Variants in QTMAN observed in about 807,000 individuals in gnomAD.
QTMAN encodes the protein tRNA-queuosine alpha-mannosyltransferase.
At chr2:144,118,228 G>A in the QTMAN span, among the ~76,000 whole-genome samples, 1 of 152,072 alleles carries the variant, frequency 6.6e-6, no homozygotes, top group Non-Finnish European at 1.5e-5. Context: ...TTCAACATTT[G>A]TATCAGCAAG....
the QTMAN span, among the ~76,000 whole-genome samples, chr2:144,297,535 T>C: frequency 6.6e-6 from 1 of 151,594 alleles, no homozygotes; most frequent in African/African-American, 2.4e-5. Context: ...GGGCGTGGTG[T>C]CTCATGCCTG....
the QTMAN span, among the ~76,000 whole-genome samples, chr2:144,207,862 G>C: frequency 2.6e-5 from 4 of 151,516 alleles, no homozygotes; most frequent in Middle Eastern, 3.4e-3. Context: ...TATTATTATT[G>C]TTATTATTAT....
chr2:144,256,038 T>C, the QTMAN span, among the ~76,000 whole-genome samples: 3 of 152,212 alleles, frequency 2.0e-5, no homozygotes, highest in Non-Finnish European at 2.9e-5. Flanking sequence ...TAATTACATA[T>C]GATAAGTTAT....
chr2:144,331,396 A>G, the QTMAN span, among the ~76,000 whole-genome samples: 1 of 152,000 alleles, frequency 6.6e-6, no homozygotes, highest in East Asian at 1.9e-4. Context: ...AAGCTTTAAA[A>G]TCAACTTCAG....
chr2:144,185,800 G>C, the QTMAN span, among the ~76,000 whole-genome samples: 1 of 152,150 alleles, frequency 6.6e-6, no homozygotes, highest in Non-Finnish European at 1.5e-5. Flanking sequence ...GCTTGTAAAA[G>C]TCTGTAGGAG....
chr2:143,981,615 T>G, the QTMAN span, among the ~76,000 whole-genome samples: 4 of 152,202 alleles, frequency 2.6e-5, no homozygotes, highest in Non-Finnish European at 5.9e-5. Flanking sequence ...ATGCTGACAT[T>G]CTGTTTATGT....
At chr2:144,135,218 G>A in the QTMAN span, among the ~76,000 whole-genome samples, 1 of 152,132 alleles carries the variant, frequency 6.6e-6, no homozygotes, top group African/African-American at 2.4e-5. Flanking sequence ...GAAAATCATG[G>A]ATACTCCTTC....
chr2:144,266,157 C>A, the QTMAN span, among the ~76,000 whole-genome samples: 1 of 152,114 alleles, frequency 6.6e-6, no homozygotes, highest in Non-Finnish European at 1.5e-5. Flanking sequence ...GAGCAGAGTT[C>A]ACTGTGGAGG....
At chr2:144,126,895 A>G in the QTMAN span, among the ~76,000 whole-genome samples, 1 of 152,066 alleles carries the variant, frequency 6.6e-6, no homozygotes. Flanking sequence ...GGTAATAACT[A>G]GAAGGCTTTT....
chr2:144,326,363 G>A, the QTMAN span, among the ~76,000 whole-genome samples: 4 of 151,950 alleles, frequency 2.6e-5, no homozygotes, highest in South Asian at 2.1e-4. Flanking sequence ...TGAGGCGGGC[G>A]GATCATGAGG....
At chr2:144,137,325 T>C in the QTMAN span, among the ~76,000 whole-genome samples, 6 of 152,108 alleles carry the variant, frequency 3.9e-5, no homozygotes, top group African/African-American at 1.2e-4. Context: ...CAGGGGTTAT[T>C]TGATGTGCAG....
the QTMAN span, among the ~76,000 whole-genome samples, chr2:143,982,184 T>C: frequency 3.2e-3 from 494 of 152,256 alleles, 7 homozygotes; most frequent in African/African-American, 0.011. Flanking sequence ...TAATTAAATA[T>C]ACTTACTGCT....
At chr2:144,076,708 A>G in the QTMAN span, among the ~76,000 whole-genome samples, 2 of 152,262 alleles carry the variant, frequency 1.3e-5, no homozygotes, top group Non-Finnish European at 2.9e-5. Context: ...AGAGAAAAAC[A>G]GGAATTATAA....
chr2:144,111,857 T>C, the QTMAN span, among the ~76,000 whole-genome samples: 1 of 152,178 alleles, frequency 6.6e-6, no homozygotes, highest in African/African-American at 2.4e-5. Flanking sequence ...TAAAAAACAA[T>C]GAAATGTTTT....
the QTMAN span, among the ~76,000 whole-genome samples, chr2:144,263,826 G>A: frequency 1.3e-5 from 2 of 152,022 alleles, no homozygotes; most frequent in African/African-American, 2.4e-5. Context: ...ACTGGGCTAG[G>A]CACTATAAGA....
chr2:144,201,663 T>TAGCA, the QTMAN span, among the ~76,000 whole-genome samples: 1 of 152,212 alleles, frequency 6.6e-6, no homozygotes, highest in Non-Finnish European at 1.5e-5. Flanking sequence ...TCACCAGTGC[T>TAGCA]AGCATAGGCA....
chr2:144,080,959 C>T, the QTMAN span, among the ~76,000 whole-genome samples: 1 of 152,120 alleles, frequency 6.6e-6, no homozygotes. Flanking sequence ...AATTTTACAA[C>T]CTCATATTTA....
chr2:144,322,298 G>A, the QTMAN span, among the ~76,000 whole-genome samples: 1 of 152,028 alleles, frequency 6.6e-6, no homozygotes. Context: ...TGTTTATGTG[G>A]CTTGTAATGA....
At chr2:144,233,055 T>C in the QTMAN span, among the ~76,000 whole-genome samples, 34 of 152,316 alleles carry the variant, frequency 2.2e-4, no homozygotes, top group Non-Finnish European at 4.6e-4. Flanking sequence ...AAAGTGAGTA[T>C]TCAATTTGTA....
Sources: allele counts gnomAD v4.1 joint callset (sites outside exome capture counted in the v4.1 genomes callset), GRCh38; gene constraint gnomAD v4.1.1; transcripts MANE v1.5; gene names NCBI Gene and HGNC (gene_info 2026-07-23, HGNC 2026-07-21).